The following GNL3L variants were observed in gnomAD, a reference collection of about 807,000 sequenced individuals.
GNL3L encodes the protein G protein nucleolar 3 like.
Under a neutral mutation model 42.9 loss-of-function variants are expected in GNL3L, and 4 were observed. The ratio of observed to expected loss-of-function variants is 0.09; its 90% CI spans 0.05 to 0.21. The LOEUF (loss-of-function observed/expected upper bound fraction) is 0.21. GNL3L is among the 10% of genes least tolerant of loss of function. The pLI, the probability that GNL3L is intolerant of heterozygous loss-of-function variation, is 1.00. For synonymous variants in GNL3L, 159 were observed against 176.3 expected (o/e 0.90, Z 0.78); for missense variants, 412 against 481.7 (o/e 0.86, Z 1.36).
At chrX:54,613,090 A>G (rs751672379) in intron 16 of GNL3L, among the ~76,000 whole-genome samples, 1 of 111,599 alleles carries the variant, frequency 9.0e-6, no homozygotes, top group Non-Finnish European at 1.9e-5. Context: ...GTTGTTTAAC[A>G]TAATCCCAGA....
the GNL3L span, among the ~76,000 whole-genome samples, chrX:54,628,253 ATTC>A: frequency 1.2e-5 from 1 of 83,280 alleles, no homozygotes; most frequent in Non-Finnish European, 2.4e-5. Flanking sequence ...GTGTGTGTGT[ATTC>A]TTTATTTACT....
intron 16 of GNL3L, among the ~76,000 whole-genome samples, chrX:54,613,431 A>C (rs1007923977): frequency 9.0e-6 from 1 of 111,213 alleles, no homozygotes; most frequent in Non-Finnish European, 1.9e-5. Flanking sequence ...ACTCTTTTTC[A>C]GATAAATCAG....
intron 16 of GNL3L, among the ~76,000 whole-genome samples, chrX:54,588,693 C>T (rs1925822715): frequency 9.0e-6 from 1 of 111,436 alleles, no homozygotes; most frequent in Non-Finnish European, 1.9e-5. Flanking sequence ...GGCGTGGTGG[C>T]ACACGCCTAT....
intron 16 of GNL3L, among the ~76,000 whole-genome samples, chrX:54,609,117 A>AT (rs888272961): frequency 2.7e-5 from 3 of 110,882 alleles, no homozygotes; most frequent in Admixed American, 9.6e-5. Flanking sequence ...GATGTTGAGC[A>AT]TTTTTTTCAT....
intron 16 of GNL3L, among the ~76,000 whole-genome samples, chrX:54,604,003 G>A (rs375619000): frequency 9.0e-6 from 1 of 111,086 alleles, no homozygotes; most frequent in East Asian, 2.8e-4. Context: ...CAAGTGTGGT[G>A]GCACATGCCT....
In GNL3L at chrX:54,548,389, TG is replaced by T; in HGVS notation, c.775+18del. 1 of 1,178,366 alleles carries T rather than the reference TG, an allele frequency of 8.5e-7. No homozygotes were observed. Among genetic ancestry groups the T allele is most frequent in the Non-Finnish European group, 1.2e-6 (1 of 868,320 alleles). On this transcript the variant is annotated intron_variant, in intron 9 of 15. Transcript: ENST00000360845. ...GGTGTTGTGGGTAAGACCTGCTGTG[TG>T]GTCATGGGGCTCAGGCTTCTTTCTT...
At chrX:54,567,634 G>A (rs1256118844), downstream of GNL3L, among the ~76,000 whole-genome samples, 12 of 103,329 alleles carry the variant, frequency 1.2e-4, no homozygotes, top group African/African-American at 1.8e-4. Context: ...CAACAAGAGC[G>A]AAACTCCATC....
In GNL3L at chrX:54,588,613, T is replaced by C. The variant is rs767605964; in HGVS notation, c.*45+27966T>C. Among the ~76,000 whole-genome samples, 699 of 110,295 alleles carry C rather than the reference T, an allele frequency of 6.3e-3. 1 individual carries two copies. Among genetic ancestry groups the C allele is most frequent in the Admixed American group, 0.011 (109 of 10,310 alleles). ...GCTGAGGCGGGTGGATCACTTGAGG[T>C]CAGGAGTTCGAGACCAGCCTGGCCA... On this transcript the variant is annotated intron_variant, in intron 16 of 16. Transcript: ENST00000674498.
intron 16 of GNL3L, among the ~76,000 whole-genome samples, chrX:54,612,872 G>A (rs780222165): frequency 3.6e-5 from 4 of 111,206 alleles, no homozygotes; most frequent in African/African-American, 9.8e-5. Context: ...TCTTTCTTTC[G>A]TCTTAACTTC....
At chrX:54,611,634 A>G (rs1286279545) in intron 16 of GNL3L, among the ~76,000 whole-genome samples, 1 of 111,268 alleles carries the variant, frequency 9.0e-6, no homozygotes, top group Non-Finnish European at 1.9e-5. Context: ...AGATTATTTA[A>G]TTTTCATTTA....
At chrX:54,630,662 T>TTTCCTTCCTTCCTTCCTTCCTTCCTTCC in the GNL3L span, among the ~76,000 whole-genome samples, 99 of 53,355 alleles carry the variant, frequency 1.9e-3, 1 homozygote, top group African/African-American at 4.0e-3. Flanking sequence ...TTTCTCCTTC[T>TTTCCTTCCTTCCTTCCTTCCTTCCTTCC]TTCCTTCCTT....
chrX:54,539,032 T>G lies in GNL3L; in HGVS notation c.20-8T>G, dbSNP rs377472274. On this transcript the variant is annotated splice_polypyrimidine_tract_variant and splice_region_variant and intron_variant, in intron 2 of 15. Coordinates refer to ENST00000360845, the MANE Select transcript of GNL3L (RefSeq NM_001184819.2). ...ACGGCTCTTTTCTTTCTTTTTTTTC[T>G]TTTGTAGAAAATAAAAAGCCAGGTG... 31 of 1,104,554 alleles carry G rather than the reference T, an allele frequency of 2.8e-5. No individual in the cohort carries two copies. The highest frequency in any genetic ancestry group is 2.4e-4 in the Middle Eastern group (1 of 4,105). The allele number at this position is 1,104,554 out of a possible 1,213,427, so 91.0% of individuals were successfully genotyped here.
chrX:54,552,654 C>T (rs966334440), intron 13 of GNL3L, among the ~76,000 whole-genome samples: 4 of 111,695 alleles, frequency 3.6e-5, no homozygotes, highest in Admixed American at 2.9e-4. Flanking sequence ...TGGTAAATAA[C>T]GAAAGAAAAA....
At chrX:54,593,076 G>GT (rs1925889660) in intron 16 of GNL3L, among the ~76,000 whole-genome samples, 1 of 110,962 alleles carries the variant, frequency 9.0e-6, no homozygotes, top group Non-Finnish European at 1.9e-5. Context: ...GTCCTATAGT[G>GT]TTTTTTTCTA....
downstream of GNL3L, among the ~76,000 whole-genome samples, chrX:54,571,880 CCA>C (rs1188811001): frequency 1.8e-5 from 2 of 109,670 alleles, no homozygotes; most frequent in Non-Finnish European, 3.8e-5. Context: ...TTCACGGACT[CCA>C]GTTACCTATT....
chrX:54,585,047 G>A (rs1469752045), intron 16 of GNL3L, among the ~76,000 whole-genome samples: 1 of 112,302 alleles, frequency 8.9e-6, no homozygotes, highest in Non-Finnish European at 1.9e-5. Flanking sequence ...GCCTCCCAAA[G>A]TGTTGGGATT....
chrX:54,552,564 C>T, intron 13 of GNL3L, 136 bp downstream of exon 13: 1 of 524,207 alleles, frequency 1.9e-6, no homozygotes, highest in East Asian at 3.8e-5. Context: ...CAGCTTCAGG[C>T]CTAATTTCTT....
chrX:54,535,916 TCA>T (rs1386628651), intron 2 of GNL3L, among the ~76,000 whole-genome samples: 1 of 107,078 alleles, frequency 9.3e-6, no homozygotes, highest in African/African-American at 3.5e-5. Flanking sequence ...ACATGTGCCA[TCA>T]CACCTGGCTA....
At chrX:54,634,989 G>A in the GNL3L span, among the ~76,000 whole-genome samples, 14 of 107,351 alleles carry the variant, frequency 1.3e-4, no homozygotes, top group Non-Finnish European at 1.3e-4. Flanking sequence ...ACAGGGTTTT[G>A]CCGTGTTGGC....
Sources: allele counts gnomAD v4.1 joint callset (sites outside exome capture counted in the v4.1 genomes callset), GRCh38; gene constraint gnomAD v4.1.1; transcripts MANE v1.5; gene names NCBI Gene and HGNC (gene_info 2026-07-23, HGNC 2026-07-21).